NCAM2: variants seen among roughly 807,000 people sequenced by gnomAD.
NCAM2 encodes N-CAM-2.
Under a neutral mutation model 98.1 loss-of-function variants are expected in NCAM2, and 30 were observed. That is an observed-to-expected ratio of 0.31 (90% CI 0.23 to 0.41). The LOEUF (loss-of-function observed/expected upper bound fraction) is 0.41, where lower values mean the gene tolerates loss of function less well. Ranked by LOEUF, NCAM2 falls within the 10% of genes least tolerant of loss-of-function variation. NCAM2 has a pLI of 1.00. For missense variants in NCAM2, 867 were observed against 1,005.8 expected (o/e 0.86, Z 1.87); for synonymous variants, 368 against 342.4 (o/e 1.07, Z -0.83).
At chr21:21,099,843 G>C (rs1324246633) in intron 1 of NCAM2, among the ~76,000 whole-genome samples, 1 of 151,858 alleles carries the variant, frequency 6.6e-6, no homozygotes, top group Non-Finnish European at 1.5e-5. Context: ...TGCCTGTTAT[G>C]TCATCTTTAC....
At position 21,479,182 on chromosome 21, in the gene NCAM2, A is replaced by T. The variant is rs1985536127; in HGVS notation, c.2077+1711A>T. 1.3e-5 allele frequency among the ~76,000 whole-genome samples: 2 copies of T among 152,130 alleles called. 1 individual carries two copies. The highest frequency in any genetic ancestry group is 1.3e-4 in the Admixed American group (2 of 15,260). ...TTTAATAATGTATTAAATTTAATAT[A>T]TGAAGTAGAAGGCAAAATTTTAATA... On this transcript the variant is annotated intron_variant, in intron 15 of 17. Transcript: ENST00000400546.
At chr21:21,084,257 C>T (rs1442958661) in intron 1 of NCAM2, among the ~76,000 whole-genome samples, 1 of 152,114 alleles carries the variant, frequency 6.6e-6, no homozygotes. Flanking sequence ...ACACCCTTAC[C>T]TTAGGGTTTA....
chr21:21,526,328 A>G (rs992646393), intron 16 of NCAM2, among the ~76,000 whole-genome samples: 2 of 152,098 alleles, frequency 1.3e-5, no homozygotes, highest in Non-Finnish European at 2.9e-5. Flanking sequence ...TCAAAAGTAT[A>G]CCAGCAATAA....
chr21:21,402,616 A>T (rs2076656580), intron 9 of NCAM2, among the ~76,000 whole-genome samples: 1 of 151,646 alleles, frequency 6.6e-6, no homozygotes, highest in Non-Finnish European at 1.5e-5. Context: ...CATGTGACCT[A>T]CTCCCTGTTT....
chr21:21,512,375 A>T (rs904057519), intron 16 of NCAM2, among the ~76,000 whole-genome samples: 1 of 151,960 alleles, frequency 6.6e-6, no homozygotes, highest in Non-Finnish European at 1.5e-5. Flanking sequence ...CTTGGCAGCT[A>T]TGTTAAAAAT....
At chr21:21,383,921 G>A (rs2076210864) in intron 9 of NCAM2, among the ~76,000 whole-genome samples, 1 of 151,916 alleles carries the variant, frequency 6.6e-6, no homozygotes, top group African/African-American at 2.4e-5. Flanking sequence ...ATTTAAAAAA[G>A]TGTTTAAGTA....
chr21:21,530,311 T>C (rs984412002), intron 16 of NCAM2, among the ~76,000 whole-genome samples: 96 of 123,082 alleles, frequency 7.8e-4, no homozygotes, highest in Non-Finnish European at 1.3e-3. Flanking sequence ...AATTAAATTA[T>C]ATATAATTAA....
intron 9 of NCAM2, among the ~76,000 whole-genome samples, chr21:21,379,289 T>G (rs1220156044): frequency 6.6e-6 from 1 of 152,092 alleles, no homozygotes; most frequent in Non-Finnish European, 1.5e-5. Flanking sequence ...CTTCATTATT[T>G]CCTTTCTTCT....
chr21:21,455,852 A>G (rs1430816607), intron 12 of NCAM2, among the ~76,000 whole-genome samples: 1 of 152,050 alleles, frequency 6.6e-6, no homozygotes, highest in Non-Finnish European at 1.5e-5. Context: ...CTTGAATTTC[A>G]TTGAAAAATA....
chr21:21,062,863 A>G (rs1367612257), intron 1 of NCAM2, among the ~76,000 whole-genome samples: 2 of 152,240 alleles, frequency 1.3e-5, no homozygotes, highest in Non-Finnish European at 2.9e-5. Context: ...GAGAAAGGTG[A>G]TCATAACTCA....
At chr21:21,155,045 G>A (rs1456573844) in intron 1 of NCAM2, among the ~76,000 whole-genome samples, 1 of 151,530 alleles carries the variant, frequency 6.6e-6, no homozygotes, top group Non-Finnish European at 1.5e-5. Context: ...GGAAAAAACA[G>A]GGGTAAATGC....
intron 15 of NCAM2, among the ~76,000 whole-genome samples, chr21:21,494,229 G>C (rs891671805): frequency 6.6e-6 from 1 of 151,694 alleles, no homozygotes; most frequent in African/African-American, 2.4e-5. Flanking sequence ...TTGGACTTTC[G>C]AAAACAAATT....
At chr21:21,326,306 A>G (rs1266339046) in intron 6 of NCAM2, among the ~76,000 whole-genome samples, 4 of 152,178 alleles carry the variant, frequency 2.6e-5, no homozygotes, top group East Asian at 1.9e-4. Flanking sequence ...TTCCCCACCT[A>G]TTTATGTTGA....
intron 8 of NCAM2, among the ~76,000 whole-genome samples, chr21:21,348,119 T>A (rs232378): frequency 0.43 from 65,779 of 151,764 alleles, 14,458 homozygotes; most frequent in East Asian, 0.59. Context: ...CTAGAACAAT[T>A]AGACAAGAGA....
chr21:21,250,868 C>T (rs1215083265), intron 1 of NCAM2, among the ~76,000 whole-genome samples: 1 of 152,148 alleles, frequency 6.6e-6, no homozygotes, highest in Non-Finnish European at 1.5e-5. Flanking sequence ...TTCTGGTCCA[C>T]TTGTATTTTA....
intron 1 of NCAM2, among the ~76,000 whole-genome samples, chr21:21,261,081 A>T (rs2071880498): frequency 6.6e-6 from 1 of 152,116 alleles, no homozygotes; most frequent in Admixed American, 6.5e-5. Flanking sequence ...AACAGATTTT[A>T]AACCAACAAC....
At chr21:21,311,773 T>G (rs1314362734) in intron 5 of NCAM2, among the ~76,000 whole-genome samples, 1 of 87,474 alleles carries the variant, frequency 1.1e-5, no homozygotes, top group Admixed American at 1.4e-4. Context: ...GGAGCTGTTG[T>G]ACATTTTTTT....
At chr21:21,489,013 C>G (rs1986628320) in intron 15 of NCAM2, among the ~76,000 whole-genome samples, 1 of 151,784 alleles carries the variant, frequency 6.6e-6, no homozygotes, top group Non-Finnish European at 1.5e-5. Context: ...TTTCTTGAGA[C>G]AGACTCTTGC....
chr21:21,248,776 C>CAAAAAAAAAA (rs1171857115), intron 1 of NCAM2, among the ~76,000 whole-genome samples: 2 of 50,654 alleles, frequency 3.9e-5, no homozygotes, highest in Admixed American at 3.9e-4. Flanking sequence ...GACTCTGTCT[C>CAAAAAAAAAA]AAAAAAAAAA....
Sources: gnomAD v4.1 joint callset for allele counts (sites outside exome capture counted in the v4.1 genomes callset) on GRCh38, gnomAD v4.1.1 for gene constraint, MANE v1.5 for transcripts, NCBI Gene and HGNC (gene_info 2026-07-23, HGNC 2026-07-21) for gene names.